Variants in NFATC1 observed in about 807,000 individuals in gnomAD.
NFATC1 encodes nuclear factor of activated T-cells, cytoplasmic 1.
NFATC1 carries 22 observed loss-of-function variants against 76.0 expected under a neutral mutation model. That is an observed-to-expected ratio of 0.29 (90% CI 0.21 to 0.41). The LOEUF is 0.41. Ranked by LOEUF, NFATC1 falls within the 10% of genes least tolerant of loss-of-function variation. The pLI, the probability that NFATC1 is intolerant of heterozygous loss-of-function variation, is 1.00. For missense variants in NFATC1, 1,357 were observed against 1,337.7 expected, an observed-to-expected ratio of 1.01 and a Z score of -0.23; for synonymous variants, 704 against 613.1, an observed-to-expected ratio of 1.15 and a Z score of -2.19.
At chr18:79,443,166 A>G (rs2087051789) in intron 3 of NFATC1, among the ~76,000 whole-genome samples, 1 of 152,226 alleles carries the variant, frequency 6.6e-6, no homozygotes, top group Non-Finnish European at 1.5e-5. Flanking sequence ...GTGGATCTGA[A>G]CACGATCTAT....
intron 1 of NFATC1, among the ~76,000 whole-genome samples, chr18:79,408,019 C>T (rs572505144): frequency 1.3e-5 from 2 of 152,276 alleles, no homozygotes; most frequent in East Asian, 1.9e-4. Context: ...GCTCTGCCCC[C>T]TGAGTGTCTG....
intron 9 of NFATC1, among the ~76,000 whole-genome samples, chr18:79,509,611 G>A (rs910911730): frequency 1.3e-4 from 20 of 152,258 alleles, no homozygotes; most frequent in African/African-American, 4.3e-4. Flanking sequence ...TTTCTTTTAA[G>A]CAGTTTTGAC....
rs1259822446 is a variant in NFATC1, at chr18:79,524,063, A to C, written c.2783-3465A>C. On this transcript the variant is annotated intron_variant, in intron 9 of 9. Coordinates refer to ENST00000427363, the MANE Select transcript of NFATC1 (RefSeq NM_001278669.2). The surrounding 1 kb of genome is among the most constrained non-coding windows in gnomAD (Gnocchi z 7.2). Reference sequence around the variant, plus strand: ...ATGGGAAACCGTAGGTGTCATCGGCAACCATACCCTACCCAAGGAAGCCGC... The same window carrying C: ...ATGGGAAACCGTAGGTGTCATCGGCCACCATACCCTACCCAAGGAAGCCGC... The C allele has an allele frequency of 6.6e-6, 1 of 152,212 alleles. No individual in the cohort carries two copies. Among genetic ancestry groups the C allele is most frequent in the Non-Finnish European group, 1.5e-5 (1 of 68,034 alleles). 9.4% of individuals were successfully genotyped at this position (152,212 alleles called of 1,614,324 possible). A position where few individuals can be genotyped will look rare whatever the true frequency, so the allele number is the denominator to read the frequency against.
intron 2 of NFATC1, among the ~76,000 whole-genome samples, chr18:79,412,904 T>C (rs769862795): frequency 2.0e-4 from 31 of 152,176 alleles, no homozygotes; most frequent in Admixed American, 7.2e-4. Flanking sequence ...TTTAATACAT[T>C]AAGGTTTAAA....
At chr18:79,472,830 G>A (rs1251961108) in intron 8 of NFATC1, among the ~76,000 whole-genome samples, 3 of 152,250 alleles carry the variant, frequency 2.0e-5, no homozygotes, top group African/African-American at 7.2e-5. Flanking sequence ...GCGGCGCTCT[G>A]GGTTTCAGCC....
At chr18:79,464,710 A>ATTTATTTAT (rs1468121503) in intron 7 of NFATC1, among the ~76,000 whole-genome samples, 2 of 92,034 alleles carry the variant, frequency 2.2e-5, no homozygotes, top group African/African-American at 9.1e-5. Context: ...TTATTTATTT[A>ATTTATTTAT]TTTTTTTTTT....
rs552380482 is a variant in NFATC1, at chr18:79,424,608, C to T, written c.1227-8971C>T. 4.9e-4 allele frequency among the ~76,000 whole-genome samples: 62 copies of T among 126,620 alleles called. 2 individuals are homozygous for T. Among genetic ancestry groups the T allele is most frequent in the East Asian group, 1.5e-3 (6 of 3,920 alleles). The allele number at this position is 126,620 out of a possible 152,430, so 83.1% of individuals were successfully genotyped here. ...CTTTCTCTGTCTCTCTCTGTCTCTC[C>T]GTCTGTCTCTCTGTCTCTCCGTCTG... On this transcript the variant is annotated intron_variant, in intron 2 of 9. Transcript: ENST00000427363.
At chr18:79,520,397 C>T (rs879895334) in intron 9 of NFATC1, among the ~76,000 whole-genome samples, 1 of 144,996 alleles carries the variant, frequency 6.9e-6, no homozygotes, top group African/African-American at 2.5e-5. Flanking sequence ...GCAGCTCCGA[C>T]ATCCTGCTCC....
At chr18:79,461,236 G>A in intron 6 of NFATC1, 75 bp from the exon 7 acceptor site, 2 of 1,562,974 alleles carry the variant, frequency 1.3e-6, no homozygotes, top group Non-Finnish European at 1.8e-6. Flanking sequence ...CCTGGGTCTG[G>A]ATCACGTGGG....
intron 9 of NFATC1, among the ~76,000 whole-genome samples, chr18:79,487,312 G>GC (rs2089536599): frequency 6.6e-6 from 1 of 152,240 alleles, no homozygotes. Context: ...ACCGGCCTCT[G>GC]CAGTCGGGGC....
intron 7 of NFATC1, among the ~76,000 whole-genome samples, chr18:79,467,111 G>C (rs1010097230): frequency 6.6e-6 from 1 of 152,262 alleles, no homozygotes; most frequent in Non-Finnish European, 1.5e-5. Context: ...CTTGTCTGCT[G>C]TGCTGCTCTG....
chr18:79,443,509 C>CG (rs916293049), intron 3 of NFATC1, among the ~76,000 whole-genome samples: 1 of 152,134 alleles, frequency 6.6e-6, no homozygotes, highest in South Asian at 2.1e-4. Flanking sequence ...AGCCGTCCCT[C>CG]GGGGGGTGGG....
At chr18:79,492,555 A>G (rs2089710727) in intron 9 of NFATC1, among the ~76,000 whole-genome samples, 1 of 152,072 alleles carries the variant, frequency 6.6e-6, no homozygotes, top group South Asian at 2.1e-4. Flanking sequence ...TAAAAATACA[A>G]AAAATTAGCC....
chr18:79,458,350 C>A (rs1282756647), intron 6 of NFATC1, among the ~76,000 whole-genome samples: 1 of 152,086 alleles, frequency 6.6e-6, no homozygotes, highest in Non-Finnish European at 1.5e-5. Context: ...GGGCAGGAGA[C>A]GCCGTGGGGA....
chr18:79,407,374 G>A (rs958351749), intron 1 of NFATC1, among the ~76,000 whole-genome samples: 6 of 152,292 alleles, frequency 3.9e-5, no homozygotes, highest in East Asian at 1.9e-4. Context: ...TGGAATTGGC[G>A]TCAGGATGCC....
At chr18:79,425,477 G>A (rs895540247) in intron 2 of NFATC1, among the ~76,000 whole-genome samples, 14 of 152,234 alleles carry the variant, frequency 9.2e-5, no homozygotes, top group Non-Finnish European at 1.5e-4. Context: ...CGCTTCGTCT[G>A]TCTGGAAACT....
intron 8 of NFATC1, among the ~76,000 whole-genome samples, chr18:79,476,224 C>T (rs1035007783): frequency 2.0e-5 from 3 of 152,234 alleles, no homozygotes; most frequent in Non-Finnish European, 4.4e-5. Flanking sequence ...GGGAGGGATC[C>T]GCCTGTCCAC....
At chr18:79,411,573 G>T in intron 2 of NFATC1, 72 bp downstream of exon 2, 1 of 1,144,444 alleles carries the variant, frequency 8.7e-7, no homozygotes, top group Non-Finnish European at 1.1e-6. Flanking sequence ...CGGGGAGCGG[G>T]ACGGGGGGCG....
intron 8 of NFATC1, among the ~76,000 whole-genome samples, chr18:79,476,234 C>T (rs550097821): frequency 3.9e-5 from 6 of 152,370 alleles, no homozygotes; most frequent in Admixed American, 1.3e-4. Context: ...CGCCTGTCCA[C>T]GTGCAGCCGC....
Sources: gnomAD v4.1 joint callset for allele counts (sites outside exome capture counted in the v4.1 genomes callset) on GRCh38, gnomAD v4.1.1 for gene constraint, Gnocchi (gnomAD v3.1) non-coding constraint, MANE v1.5 for transcripts, NCBI Gene and HGNC (gene_info 2026-07-23, HGNC 2026-07-21) for gene names.